Variants in LMF1 observed in about 807,000 individuals in gnomAD.
The protein encoded by LMF1 is transmembrane protein 112.
LMF1 carries 68 observed loss-of-function variants against 60.6 expected under a neutral mutation model. The ratio of observed to expected loss-of-function variants is 1.12; its 90% CI spans 0.92 to 1.37. The LOEUF (loss-of-function observed/expected upper bound fraction) is 1.37, where lower values mean the gene tolerates loss of function less well. Ranked by LOEUF, LMF1 falls within the 40% of genes most tolerant of loss-of-function variation. The pLI is 0.00. For synonymous variants in LMF1, 418 were observed against 324.7 expected (o/e 1.29, Z -3.09); for missense variants, 948 against 767.2 (o/e 1.24, Z -2.78).
intron 2 of LMF1, among the ~76,000 whole-genome samples, chr16:935,345 T>C (rs1175009645): frequency 6.6e-6 from 1 of 152,120 alleles, no homozygotes; most frequent in Non-Finnish European, 1.5e-5. Flanking sequence ...TCCTCCTGCC[T>C]CCACCTCCCT....
intron 10 of LMF1, among the ~76,000 whole-genome samples, chr16:858,150 G>A (rs1596825740): frequency 2.2e-5 from 1 of 45,680 alleles, no homozygotes; most frequent in Admixed American, 1.8e-4. Context: ...GGTGTGAGTG[G>A]TGTCTCGGGA....
At chr16:867,150 G>T (rs770870761) in intron 10 of LMF1, among the ~76,000 whole-genome samples, 1 of 152,226 alleles carries the variant, frequency 6.6e-6, no homozygotes, top group Admixed American at 6.5e-5. Context: ...GAGATGTGCC[G>T]TGTGGCAGTG....
At chr16:932,148 C>G (rs2071805646) in intron 3 of LMF1, among the ~76,000 whole-genome samples, 1 of 152,266 alleles carries the variant, frequency 6.6e-6, no homozygotes, top group South Asian at 2.1e-4. Context: ...AGCACTGCCT[C>G]TGGGAGTCCA....
chr16:923,173 C>G (rs192900449), intron 3 of LMF1, among the ~76,000 whole-genome samples: 1 of 152,062 alleles, frequency 6.6e-6, no homozygotes, highest in Non-Finnish European at 1.5e-5. Context: ...TTCAGGTGTA[C>G]GAGGAGGCAT....
intron 1 of LMF1, among the ~76,000 whole-genome samples, chr16:978,851 C>G (rs2151512171): frequency 1.3e-5 from 2 of 152,224 alleles, no homozygotes; most frequent in East Asian, 3.9e-4. Flanking sequence ...CACTCTCCAC[C>G]CCCGGGTCCA....
At chr16:937,525 G>A (rs1033256283) in intron 2 of LMF1, among the ~76,000 whole-genome samples, 4 of 152,124 alleles carry the variant, frequency 2.6e-5, no homozygotes, top group Admixed American at 2.0e-4. Context: ...TTGACCGACA[G>A]GCTGCTGGGG....
intron 4 of LMF1, chr16:901,644 G>A (rs1320780533): frequency 1.3e-5 from 2 of 152,280 alleles, no homozygotes; most frequent in African/African-American, 4.8e-5. Context: ...CCGAAACACG[G>A]GGGAAATGCT....
intron 4 of LMF1, among the ~76,000 whole-genome samples, chr16:908,868 C>A (rs2071034713): frequency 6.6e-6 from 1 of 152,350 alleles, no homozygotes; most frequent in East Asian, 1.9e-4. Context: ...GCCCACCACC[C>A]CCGTGCGGCT....
intron 10 of LMF1, among the ~76,000 whole-genome samples, chr16:867,431 G>A (rs1446077831): frequency 1.3e-5 from 2 of 152,206 alleles, no homozygotes; most frequent in East Asian, 1.9e-4. Flanking sequence ...CCCAGGCACC[G>A]AGGAGGCTGC....
In LMF1 at chr16:908,105, G is replaced by A. The variant is rs78109589; in HGVS notation, c.663+2826C>T. Among the ~76,000 whole-genome samples, 346 of 152,310 alleles carry A rather than the reference G, an allele frequency of 2.3e-3. 2 individuals carry two copies. Among genetic ancestry groups the A allele is most frequent in the African/African-American group, 7.8e-3 (323 of 41,568 alleles). ...CCCGGCTGCTGTCCACAGAGTCCTT[G>A]GAAATGCTGCATCCACATCTGTGCA... On this transcript the variant is annotated intron_variant, in intron 4 of 10. Transcript: ENST00000262301.
chr16:859,199 G>GC (rs547022560), intron 10 of LMF1, among the ~76,000 whole-genome samples: 196 of 110,842 alleles, frequency 1.8e-3, no homozygotes, highest in African/African-American at 5.4e-3. Context: ...GGACGGGTGT[G>GC]AGTGGTGTCT....
chr16:908,452 C>T (rs940313748), intron 4 of LMF1, among the ~76,000 whole-genome samples: 3 of 152,158 alleles, frequency 2.0e-5, no homozygotes, highest in African/African-American at 7.2e-5. Flanking sequence ...CTCCAAAGAC[C>T]CCACCCACCC....
chr16:914,092 G>A (rs1427882766), intron 3 of LMF1, among the ~76,000 whole-genome samples: 3 of 152,068 alleles, frequency 2.0e-5, no homozygotes, highest in Non-Finnish European at 2.9e-5. Flanking sequence ...TACACGCACG[G>A]TCTTCTGAGG....
intron 1 of LMF1, among the ~76,000 whole-genome samples, chr16:966,491 G>A (rs1289384567): frequency 6.6e-6 from 1 of 152,246 alleles, no homozygotes; most frequent in African/African-American, 2.4e-5. Flanking sequence ...AAGTCAGTCT[G>A]CAAATGCCAA....
At chr16:977,392 G>A (rs1351368375) in intron 1 of LMF1, among the ~76,000 whole-genome samples, 1 of 152,202 alleles carries the variant, frequency 6.6e-6, no homozygotes, top group East Asian at 1.9e-4. Flanking sequence ...CCGTCCGGGG[G>A]CGGGGCCTTT....
intron 2 of LMF1, among the ~76,000 whole-genome samples, chr16:943,818 T>TGGTATCTTG (rs1373311786): frequency 6.6e-6 from 1 of 151,604 alleles, no homozygotes; most frequent in Non-Finnish European, 1.5e-5. Context: ...TTTCTACGTG[T>TGGTATCTTG]GCTATCTTGG....
intron 8 of LMF1, 150 bp from the exon 9 acceptor site, chr16:870,216 G>C: frequency 1.2e-6 from 1 of 858,676 alleles, no homozygotes; most frequent in Admixed American, 2.8e-5. Flanking sequence ...GCTACTGAGA[G>C]GCTGGGTGGG....
intron 10 of LMF1, chr16:855,400 C>T (rs2069158375): frequency 2.9e-6 from 1 of 342,068 alleles, no homozygotes; most frequent in African/African-American, 2.1e-5. Flanking sequence ...CCCGCCTGAC[C>T]CCTGGTGACC....
At position 962,588 on chromosome 16, in the gene LMF1, C is replaced by G. The variant is rs2095076506; in HGVS notation, c.194-7922G>C. 1.3e-5 allele frequency among the ~76,000 whole-genome samples: 2 copies of G among 152,306 alleles called. 1 individual carries two copies. The highest frequency in any genetic ancestry group is 4.8e-5 in the African/African-American group (2 of 41,552). Reference sequence around the variant, plus strand: ...GTGGGCGTCTTCCCAAAACCCATCACCCAGTCTAATTGCGAGGAAACACCA... The same window carrying G: ...GTGGGCGTCTTCCCAAAACCCATCAGCCAGTCTAATTGCGAGGAAACACCA... On this transcript the variant is annotated intron_variant, in intron 1 of 10. Transcript: ENST00000262301. This position sits in a 1 kb window ranked among gnomAD's most constrained non-coding sequence, Gnocchi z 4.5.
Sources: allele counts gnomAD v4.1 joint callset (sites outside exome capture counted in the v4.1 genomes callset), GRCh38; gene constraint gnomAD v4.1.1; non-coding constraint Gnocchi (gnomAD v3.1); transcripts MANE v1.5; gene names NCBI Gene and HGNC (gene_info 2026-07-23, HGNC 2026-07-21).